RFX7: variants seen among roughly 807,000 people sequenced by gnomAD.
The protein encoded by RFX7 is regulatory factor X7, also known as DNA-binding protein RFX7.
In RFX7, 26 loss-of-function variants were observed where a neutral mutation model predicts 111.8. The observed-to-expected ratio is 0.23, with a 90% confidence interval of 0.17 to 0.32. The LOEUF is 0.32. Ranked by LOEUF, RFX7 falls within the 10% of genes least tolerant of loss-of-function variation. RFX7 has a pLI of 1.00. For missense variants in RFX7, 1,573 were observed against 1,772.9 expected (o/e 0.89, Z 2.02); for synonymous variants, 624 against 624.4 (o/e 1.00, Z 0.01).
At chr15:56,239,867 AAAAAGGTAAAT>A (rs2043667570) in intron 2 of RFX7, among the ~76,000 whole-genome samples, 1 of 152,168 alleles carries the variant, frequency 6.6e-6, no homozygotes, top group South Asian at 2.1e-4. Flanking sequence ...AAACTGCCTT[AAAAAGGTAAAT>A]AAAAGGACTT....
intron 2 of RFX7, among the ~76,000 whole-genome samples, chr15:56,219,633 G>A (rs1400925728): frequency 6.6e-6 from 1 of 152,090 alleles, no homozygotes; most frequent in African/African-American, 2.4e-5. Flanking sequence ...TTCTCTTCCT[G>A]CATTAGTGTG....
chr15:56,178,402 T>G (rs2042927562), intron 3 of RFX7, among the ~76,000 whole-genome samples: 1 of 152,088 alleles, frequency 6.6e-6, no homozygotes, highest in Non-Finnish European at 1.5e-5. Flanking sequence ...CATCATACTA[T>G]TTCAGCACCA....
intron 5 of RFX7, among the ~76,000 whole-genome samples, chr15:56,118,911 T>C (rs893322567): frequency 6.9e-6 from 1 of 144,086 alleles, no homozygotes; most frequent in African/African-American, 3.0e-5. Context: ...GACTATATAT[T>C]GTTGTTTTGA....
intron 2 of RFX7, among the ~76,000 whole-genome samples, chr15:56,240,106 CTTT>C (rs71441432): frequency 0.31 from 43,301 of 137,910 alleles, 7,143 homozygotes; most frequent in East Asian, 0.4. Context: ...TACTAGTTTT[CTTT>C]TTTTTTTTTT....
rs2041571274 is a variant in RFX7 at position 56,089,666 on chromosome 15, G to A, written c.*3679C>T. On this transcript the variant is annotated 3_prime_UTR_variant, in exon 10 of 10. Transcript: ENST00000559447. ...ATACTAATTTTATAGTATTATCTAG[G>A]TAGTTCATTACTTTCATTTTCTCTT... 6.6e-6 allele frequency: 1 copy of A among 151,390 alleles called. No individual in the cohort carries two copies. Among genetic ancestry groups the A allele is most frequent in the African/African-American group, 2.4e-5 (1 of 41,208 alleles). 9.4% of individuals were successfully genotyped at this position (151,390 alleles called of 1,614,324 possible). A position where few individuals can be genotyped will look rare whatever the true frequency, so the allele number is the denominator to read the frequency against.
In RFX7 at chr15:56,095,701, A is replaced by T; in HGVS notation, c.2027T>A (p.Ile676Asn). The change falls in exon 10 of 10, where the codon ATT becomes AAT. Residue 676 changes from isoleucine (I) to asparagine (N), a missense_variant. Transcript: ENST00000559447. ...GGTAGCTGCTGAAAGCTGTTCCACA[A>T]TTGGTTTCTTTACAGGAGGCACCTG... ...ETQVPPVKKPIVEQLSAATIE... is the reference protein window; with the variant it reads ...ETQVPPVKKPNVEQLSAATIE... 1 of 1,613,902 alleles carries T rather than the reference A, an allele frequency of 6.2e-7. No homozygotes were observed. Among genetic ancestry groups the T allele is most frequent in the Non-Finnish European group, 8.5e-7 (1 of 1,179,866 alleles).
At chr15:56,220,511 G>A (rs538561404) in intron 2 of RFX7, among the ~76,000 whole-genome samples, 54 of 151,958 alleles carry the variant, frequency 3.6e-4, no homozygotes, top group East Asian at 2.5e-3. Context: ...GGATTACAGC[G>A]GGAGCCACCG....
At chr15:56,226,854 G>GC (rs2043491035) in intron 2 of RFX7, among the ~76,000 whole-genome samples, 1 of 152,068 alleles carries the variant, frequency 6.6e-6, no homozygotes, top group Admixed American at 6.5e-5. Context: ...GTAAACTGCA[G>GC]CCCCAAAGAA....
At chr15:56,114,411 C>CAA (rs55731452) in intron 5 of RFX7, among the ~76,000 whole-genome samples, 938 of 76,658 alleles carry the variant, frequency 0.012, 23 homozygotes, top group East Asian at 0.058. Flanking sequence ...ATTCTGTCTC[C>CAA]AAAAAAAAAA....
intron 5 of RFX7, among the ~76,000 whole-genome samples, chr15:56,123,039 T>G (rs754092236): frequency 2.0e-4 from 30 of 152,036 alleles, no homozygotes; most frequent in Non-Finnish European, 3.1e-4. Flanking sequence ...AAAGCCCTCT[T>G]GGTGGTCTTC....
chr15:56,194,965 A>C (rs1176948528), intron 2 of RFX7, among the ~76,000 whole-genome samples: 1 of 152,196 alleles, frequency 6.6e-6, no homozygotes, highest in Non-Finnish European at 1.5e-5. Context: ...GCTGATGTTC[A>C]TAGCAGCACT....
chr15:56,160,298 A>G (rs2042705020), intron 3 of RFX7, among the ~76,000 whole-genome samples: 1 of 151,992 alleles, frequency 6.6e-6, no homozygotes, highest in South Asian at 2.1e-4. Context: ...TCAGGGTATC[A>G]TGTCCATAAT....
At chr15:56,242,997 C>T (rs1451512356) in intron 2 of RFX7, 128 bp downstream of exon 2, 5 of 691,738 alleles carry the variant, frequency 7.2e-6, no homozygotes, top group Non-Finnish European at 1.1e-5. Context: ...GTGCACCCGA[C>T]TGGGGAAAGC....
chr15:56,179,568 CA>C (rs2042942173), intron 2 of RFX7, among the ~76,000 whole-genome samples: 1 of 152,022 alleles, frequency 6.6e-6, no homozygotes, highest in African/African-American at 2.4e-5. Flanking sequence ...AAATTTTTAA[CA>C]GTGTATAAGT....
intron 2 of RFX7, among the ~76,000 whole-genome samples, chr15:56,229,507 C>G (rs113792469): frequency 1.3e-5 from 2 of 152,030 alleles, no homozygotes; most frequent in African/African-American, 4.8e-5. Context: ...CCTCGTGATC[C>G]GCCTGTCTTG....
chr15:56,192,886 G>T (rs1380699974), intron 2 of RFX7: 1 of 208,902 alleles, frequency 4.8e-6, no homozygotes, highest in Non-Finnish European at 1.0e-5. Context: ...CAACAAACTT[G>T]TCCAACCTCT....
chr15:56,203,651 C>T (rs1246248773), intron 2 of RFX7, among the ~76,000 whole-genome samples: 1 of 152,090 alleles, frequency 6.6e-6, no homozygotes. Context: ...AGAAGCCGGC[C>T]AAAACCCACC....
intron 2 of RFX7, among the ~76,000 whole-genome samples, chr15:56,227,423 T>C (rs1451601966): frequency 1.3e-5 from 2 of 152,198 alleles, no homozygotes; most frequent in Non-Finnish European, 2.9e-5. Flanking sequence ...TCATTGACCA[T>C]GTTGTTTCCA....
chr15:56,093,993 G>T lies in RFX7; in HGVS notation c.3735C>A (p.Asn1245Lys). The T allele has an allele frequency of 6.2e-7, 1 of 1,613,954 alleles. No homozygotes were observed. The highest frequency in any genetic ancestry group is 8.5e-7 in the Non-Finnish European group (1 of 1,179,876). The change falls in exon 10 of 10, where the codon AAC becomes AAA. Residue 1245 changes from asparagine (N) to lysine (K), a missense_variant. This residue lies in a region of RFX7 where 411 missense variants were observed against 478.1 expected (regional missense o/e 0.86). Coordinates refer to ENST00000559447, the MANE Select transcript of RFX7 (RefSeq NM_022841.7). ...AFPNALQKQA[N>K]SKKITNVLLS... ...ACAAAACATTGGTTATTTTTTTACT[G>T]TTTGCTTGCTTCTGAAGAGCGTTTG...
Sources: gnomAD v4.1 joint callset for allele counts (sites outside exome capture counted in the v4.1 genomes callset) on GRCh38, gnomAD v4.1.1 for gene constraint, gnomAD v4.1.1 regional missense constraint, MANE v1.5 for transcripts, NCBI Gene and HGNC (gene_info 2026-07-23, HGNC 2026-07-21) for gene names.